Variants in FCRL3 observed in about 807,000 individuals in gnomAD.
FCRL3 encodes the protein Fc receptor-like protein 3.
In FCRL3, 89 loss-of-function variants were observed where a neutral mutation model predicts 75.0. The observed-to-expected ratio is 1.19, with a 90% CI of 1.00 to 1.42. The LOEUF is 1.42. FCRL3 is among the 40% of genes most tolerant of loss of function. The pLI is 0.00. For missense variants in FCRL3, 946 were observed against 880.0 expected (o/e 1.07, Z -0.95); for synonymous variants, 376 against 348.5 (o/e 1.08, Z -0.88).
rs553898196 is a variant in FCRL3, at chr1:157,676,960, A to G, written c.*1750T>C. 2.9e-6 allele frequency: 4 copies of G among 1,395,110 alleles called. No homozygotes were observed. In the African/African-American group the frequency reaches 4.4e-5, roughly 15 times the overall value. 86.4% of individuals were successfully genotyped at this position (1,395,110 alleles called of 1,614,324 possible). On this transcript the variant is annotated 3_prime_UTR_variant, in exon 15 of 15. Coordinates refer to ENST00000368184, the MANE Select transcript of FCRL3 (RefSeq NM_052939.4). ...TTTTCACCATAGAGAAAAAAACAGC[A>G]GAATGTATCACATAGAAGACAGAGA...
At chr1:157,692,478 A>G (rs537045275) in intron 8 of FCRL3, among the ~76,000 whole-genome samples, 3 of 152,194 alleles carry the variant, frequency 2.0e-5, no homozygotes, top group South Asian at 4.2e-4. Context: ...GGCTCAAGCA[A>G]TCCTTCCTTG....
intron 13 of FCRL3, chr1:157,679,210 A>G: frequency 6.9e-6 from 4 of 581,260 alleles, no homozygotes; most frequent in South Asian, 4.1e-5. Context: ...TAGAAAAAGT[A>G]CTGCCCCAAG....
chr1:157,677,528 A>C lies in FCRL3; in HGVS notation c.*1182T>G. 1 of 985,436 alleles carries C rather than the reference A, an allele frequency of 1.0e-6. No homozygotes were observed. The highest frequency in any genetic ancestry group is 1.2e-6 in the Non-Finnish European group (1 of 829,908). The allele number at this position is 985,436 out of a possible 1,614,324, so 61.0% of individuals were successfully genotyped here. A position where few individuals can be genotyped will look rare whatever the true frequency, so the allele number is the denominator to read the frequency against. On this transcript the variant is annotated 3_prime_UTR_variant, in exon 15 of 15. Transcript: ENST00000368184. ...TTTCAGAATGGAGGTGAAGTCACTG[A>C]AAATTGTTGGTACATTTTCATTTTT...
rs1003575859 is a variant in FCRL3, at chr1:157,698,744, C to G, written c.53-115G>C. ...TCCTGGACTAATTTCCAGTCAGGACCAGGGTGGAAAATTGAGCAGAAATAA... is the reference window on the plus strand; with the variant it reads ...TCCTGGACTAATTTCCAGTCAGGACGAGGGTGGAAAATTGAGCAGAAATAA... On this transcript the variant is annotated intron_variant, in intron 3 of 14. Coordinates refer to ENST00000368184, the MANE Select transcript of FCRL3 (RefSeq NM_052939.4). The G allele has an allele frequency of 2.1e-5, 23 of 1,073,224 alleles. 1 individual carries two copies. The South Asian group carries it at 3.0e-4, about 14-fold the overall frequency. 66.5% of individuals were successfully genotyped at this position (1,073,224 alleles called of 1,614,324 possible).
At chr1:157,682,065 C>T (rs942284118) in intron 11 of FCRL3, among the ~76,000 whole-genome samples, 1 of 151,958 alleles carries the variant, frequency 6.6e-6, no homozygotes, top group South Asian at 2.1e-4. Context: ...CTGTTCATAT[C>T]CTTTGCCCAC....
chr1:157,689,998 T>C lies in FCRL3; in HGVS notation c.1691-81A>G, dbSNP rs1294010404. 7 of 1,579,004 alleles carry C rather than the reference T, an allele frequency of 4.4e-6. No individual in the cohort carries two copies. The South Asian group carries it at 5.7e-5, about 13-fold the overall frequency. ...AAATCATGCAAGTAGGGTGAGTGTG[T>C]TCCAGTTTCTGATTCCTCCTGTAGC... On this transcript the variant is annotated intron_variant, in intron 9 of 14. Transcript: ENST00000368184.
intron 3 of FCRL3, 29 bp from the exon 4 acceptor site, chr1:157,698,658 G>A (rs767738645): frequency 1.5e-5 from 24 of 1,612,176 alleles, no homozygotes; most frequent in Non-Finnish European, 1.7e-6. Flanking sequence ...GATGAAGGCA[G>A]GGGAAGGTCA....
At chr1:157,700,384 T>C (rs1341458950) in intron 2 of FCRL3, 75 bp downstream of exon 2, 9 of 1,606,014 alleles carry the variant, frequency 5.6e-6, no homozygotes, top group Non-Finnish European at 7.7e-6. Context: ...GAAGCAGAGA[T>C]AGAAGCTCCT....
chr1:157,678,647 G>T lies in FCRL3; in HGVS notation c.*63C>A. The stretch of plus-strand genomic sequence containing the variant: ...AGTCTGGAGAGATGGATGATGTGTG[G>T]TTGGAGAGAACAGAAAAAAAAATGG... On this transcript the variant is annotated 3_prime_UTR_variant, in exon 15 of 15. Coordinates refer to ENST00000368184, the MANE Select transcript of FCRL3 (RefSeq NM_052939.4). 1.2e-6 allele frequency: 2 copies of T among 1,600,250 alleles called. No individual in the cohort carries two copies. The highest frequency in any genetic ancestry group is 1.7e-6 in the Non-Finnish European group (2 of 1,176,930).
At position 157,697,998 on chromosome 1, in the gene FCRL3, A is replaced by G. The variant is rs142925201; in HGVS notation, c.299-79T>C. 4.3e-4 allele frequency: 653 copies of G among 1,512,292 alleles called. 4 individuals carry two copies. The African/African-American group carries it at 8.0e-3, about 19-fold the overall frequency. 93.7% of individuals were successfully genotyped at this position (1,512,292 alleles called of 1,614,324 possible). A position where few individuals can be genotyped will look rare whatever the true frequency, so the allele number is the denominator to read the frequency against. ...CTTTCATTTCCACCCATGAGGCAAGAGCCACAGTTCTATACACACCTGCAA... is the reference window on the plus strand; with the variant it reads ...CTTTCATTTCCACCCATGAGGCAAGGGCCACAGTTCTATACACACCTGCAA... On this transcript the variant is annotated intron_variant, in intron 4 of 14. Transcript: ENST00000368184.
In FCRL3 at chr1:157,679,828, C is replaced by CAAAAAAAAAAAA. The variant is rs879258382; in HGVS notation, c.2027-856_2027-855insTTTTTTTTTTTT. On this transcript the variant is annotated intron_variant, in intron 13 of 14. Coordinates refer to ENST00000368184, the MANE Select transcript of FCRL3 (RefSeq NM_052939.4). The stretch of plus-strand genomic sequence containing the variant: ...TGGGCGACAGAACGAGACCCCATCT[C>CAAAAAAAAAAAA]ACAAAAAAAAAAAAAAAAAAAAAAA... Among the ~76,000 whole-genome samples, 187 of 27,902 alleles carry CAAAAAAAAAAAA rather than the reference C, an allele frequency of 6.7e-3. 20 individuals are homozygous for CAAAAAAAAAAAA. The highest frequency in any genetic ancestry group is 0.012 in the Non-Finnish European group (134 of 11,038). The allele number at this position is 27,902 out of a possible 152,430, so 18.3% of individuals were successfully genotyped here.
At chr1:157,690,742 T>C (rs1247453796) in intron 8 of FCRL3, among the ~76,000 whole-genome samples, 1 of 152,178 alleles carries the variant, frequency 6.6e-6, no homozygotes, top group Non-Finnish European at 1.5e-5. Context: ...AGTTTATTCC[T>C]CTGTAAAACT....
At chr1:157,690,999 C>CTAAG in intron 8 of FCRL3, among the ~76,000 whole-genome samples, 1 of 149,000 alleles carries the variant, frequency 6.7e-6, no homozygotes, top group South Asian at 2.1e-4. Context: ...TGACATCTGT[C>CTAAG]TATGTATGTA....
chr1:157,684,183 T>C (rs1052402207), intron 10 of FCRL3, among the ~76,000 whole-genome samples: 3 of 152,224 alleles, frequency 2.0e-5, no homozygotes, highest in Admixed American at 6.5e-5. Flanking sequence ...CTTAAAAATA[T>C]GGCAAGTTTC....
rs201099966 is a variant in FCRL3, at chr1:157,698,050, GC to G, written c.299-132del. On this transcript the variant is annotated intron_variant, in intron 4 of 14. Transcript: ENST00000368184. ...TGGCCCCCACCCACATTGCCATGTG[GC>G]CCCAAATACCTGATTCTTCCTTGCC... 8.4e-4 allele frequency: 872 copies of G among 1,043,902 alleles called. 8 individuals carry two copies. In the African/African-American group the frequency reaches 0.012, roughly 15 times the overall value. 64.7% of individuals were successfully genotyped at this position (1,043,902 alleles called of 1,614,324 possible).
rs890778716 is a variant in FCRL3, at chr1:157,689,884, G to A, written c.1724C>T (p.Ala575Val). 11 of 1,614,054 alleles carry A rather than the reference G, an allele frequency of 6.8e-6. No homozygotes were observed. Among genetic ancestry groups the A allele is most frequent in the African/African-American group, 5.3e-5 (4 of 74,898 alleles). Residue 575 changes from alanine to valine, a missense_variant, in exon 10 of 15, where the codon GCG (alanine) becomes GTG (valine). Coordinates refer to ENST00000368184, the MANE Select transcript of FCRL3 (RefSeq NM_052939.4). ...TSRNRTGLTA[A>V]GITGLVLSIL... Reference sequence around the variant, plus strand: ...GCTGAGCACCAGCCCCGTGATTCCCGCAGCGGTAAGGCCTGTTCTGTTCCT... The same window carrying A: ...GCTGAGCACCAGCCCCGTGATTCCCACAGCGGTAAGGCCTGTTCTGTTCCT...
In FCRL3 at chr1:157,690,292, C is replaced by T. The variant is rs754176836; in HGVS notation, c.1653G>A (p.Gly551=). 2 of 1,614,110 alleles carry T rather than the reference C, an allele frequency of 1.2e-6. No individual in the cohort carries two copies. The highest frequency in any genetic ancestry group is 2.2e-5 in the East Asian group (1 of 44,894). Residue 551 remains glycine (G), a synonymous_variant, in exon 9 of 15, where the codon GGG becomes GGA. Transcript: ENST00000368184. ...NYSCEADNGL[G]AQHSKVVTLN... is the part of the protein sequence containing the mutation. ...GTGTCACCACTTTACTGTGCTGGGC[C>T]CCCAGGCCATTGTCAGCCTCACATG... is the stretch of plus-strand genomic sequence containing the variant.
chr1:157,699,894 A>T (rs918799933), intron 2 of FCRL3, among the ~76,000 whole-genome samples, 182 bp from the exon 3 acceptor site: 2 of 152,200 alleles, frequency 1.3e-5, no homozygotes, highest in Non-Finnish European at 2.9e-5. Context: ...GCTTATGTCC[A>T]AGGCCTGACC....
intron 13 of FCRL3, among the ~76,000 whole-genome samples, chr1:157,679,824 A>G (rs1654709917): frequency 9.6e-6 from 1 of 104,628 alleles, no homozygotes; most frequent in Non-Finnish European, 1.8e-5. Context: ...ACGAGACCCC[A>G]TCTCACAAAA....
Sources: gnomAD v4.1 joint callset for allele counts (sites outside exome capture counted in the v4.1 genomes callset) on GRCh38, gnomAD v4.1.1 for gene constraint, MANE v1.5 for transcripts, NCBI Gene and HGNC (gene_info 2026-07-23, HGNC 2026-07-21) for gene names.